The following CAPN13 variants were observed in gnomAD, a reference collection of about 807,000 sequenced individuals.
CAPN13 encodes calpain-13.
Under a neutral mutation model 98.4 loss-of-function variants are expected in CAPN13, and 90 were observed. The observed-to-expected ratio is 0.92, with a 90% CI of 0.77 to 1.09. CAPN13 has a LOEUF of 1.09. Among genes scored for constraint, CAPN13 ranks in the 50% least tolerant of loss-of-function variants. The pLI, the probability that CAPN13 is intolerant of heterozygous loss-of-function variation, is 0.00. For missense variants in CAPN13, 887 were observed against 841.3 expected (o/e 1.05, Z -0.67); for synonymous variants, 330 against 305.5 (o/e 1.08, Z -0.84).
At chr2:30,724,253 C>G (rs1360583676) in intron 22 of CAPN13, among the ~76,000 whole-genome samples, 1 of 152,142 alleles carries the variant, frequency 6.6e-6, no homozygotes, top group Non-Finnish European at 1.5e-5. Flanking sequence ...TTCTGTAACT[C>G]TTTATTCTTC....
chr2:30,800,126 A>G (rs573185978), intron 1 of CAPN13, among the ~76,000 whole-genome samples: 2 of 133,324 alleles, frequency 1.5e-5, no homozygotes, highest in South Asian at 4.9e-4. Flanking sequence ...AAAAGAAAGA[A>G]AGAAAGAAAG....
At chr2:30,740,042 T>C (rs553576596) in intron 15 of CAPN13, among the ~76,000 whole-genome samples, 8 of 151,042 alleles carry the variant, frequency 5.3e-5, no homozygotes, top group Admixed American at 2.0e-4. Context: ...ACTACTACAG[T>C]GAAGGAAGAA....
chr2:30,743,606 G>T (rs1334656561), intron 12 of CAPN13, 27 bp from the exon 13 acceptor site: 5 of 1,610,508 alleles, frequency 3.1e-6, no homozygotes, highest in Non-Finnish European at 4.2e-6. Context: ...CACAATGATT[G>T]TGAGAAAGCC....
At chr2:30,787,386 G>A in intron 1 of CAPN13, 29 bp from the exon 2 acceptor site, 2 of 1,504,050 alleles carry the variant, frequency 1.3e-6, no homozygotes, top group African/African-American at 1.4e-5. Flanking sequence ...GATACCTTTG[G>A]GGTAAGCCAT....
At chr2:30,800,136 G>GAA (rs771158037) in intron 1 of CAPN13, among the ~76,000 whole-genome samples, 1 of 144,436 alleles carries the variant, frequency 6.9e-6, no homozygotes, top group Non-Finnish European at 1.5e-5. Context: ...AAGAAAGAAA[G>GAA]AAAGAAAGAA....
intron 7 of CAPN13, among the ~76,000 whole-genome samples, chr2:30,761,807 A>G (rs1340029139): frequency 6.6e-6 from 1 of 152,230 alleles, no homozygotes; most frequent in African/African-American, 2.4e-5. Context: ...CGATCAAACC[A>G]TGAAACAATG....
intron 12 of CAPN13, 68 bp downstream of exon 12, chr2:30,745,655 G>C: frequency 6.5e-7 from 1 of 1,546,888 alleles, no homozygotes; most frequent in Non-Finnish European, 8.8e-7. Context: ...ATGGGCGTTG[G>C]AAGTGGCCTA....
chr2:30,751,246 G>A lies in CAPN13; in HGVS notation c.1093C>T (p.Pro365Ser). 6.2e-7 allele frequency: 1 copy of A among 1,613,738 alleles called. No individual in the cohort carries two copies. Among genetic ancestry groups the A allele is most frequent in the Non-Finnish European group, 8.5e-7 (1 of 1,179,778 alleles). ...QVILGNTAGGPRNDAQFNFSV... is the reference protein window; with the variant it reads ...QVILGNTAGGSRNDAQFNFSV... ...AAGTTGAATTGAGCATCATTCCGAGGTCCTCCTGCATCAGAAAGAGCTGTT... is the reference window on the plus strand; with the variant it reads ...AAGTTGAATTGAGCATCATTCCGAGATCCTCCTGCATCAGAAAGAGCTGTT... The change falls in exon 11 of 23, where the codon CCT becomes TCT. Residue 365 changes from proline to serine, a missense_variant. Pro to Ser is a moderately conservative substitution (Grantham distance 74). Transcript: ENST00000295055.
At chr2:30,726,189 A>G (rs1227200099) in intron 22 of CAPN13, among the ~76,000 whole-genome samples, 1 of 152,254 alleles carries the variant, frequency 6.6e-6, no homozygotes, top group Non-Finnish European at 1.5e-5. Flanking sequence ...ACATCAAGCA[A>G]GTAATGAAAA....
intron 17 of CAPN13, chr2:30,737,827 C>A: frequency 9.5e-6 from 2 of 210,688 alleles, no homozygotes; most frequent in African/African-American, 2.2e-5. Flanking sequence ...CTGAAAGCTC[C>A]AACTTCAAAT....
intron 8 of CAPN13, among the ~76,000 whole-genome samples, chr2:30,756,808 A>G (rs1672475937): frequency 6.6e-6 from 1 of 152,198 alleles, no homozygotes; most frequent in Non-Finnish European, 1.5e-5. Context: ...CGGCTGCCCG[A>G]TTCTCGCAGG....
At chr2:30,736,172 G>T (rs544006709) in intron 18 of CAPN13, among the ~76,000 whole-genome samples, 2 of 145,152 alleles carry the variant, frequency 1.4e-5, no homozygotes, top group African/African-American at 2.5e-5. Flanking sequence ...CTGGCAGGTG[G>T]ATTGGACGGG....
At chr2:30,775,067 A>G (rs541648904) in intron 4 of CAPN13, among the ~76,000 whole-genome samples, 26 of 152,198 alleles carry the variant, frequency 1.7e-4, no homozygotes, top group Non-Finnish European at 3.5e-4. Context: ...GAGATAGAAA[A>G]TTATCTATTT....
intron 1 of CAPN13, among the ~76,000 whole-genome samples, chr2:30,789,171 T>C (rs560554819): frequency 4.3e-4 from 65 of 152,270 alleles, no homozygotes; most frequent in Admixed American, 3.9e-4. Context: ...TGTCAAGATA[T>C]CATTCAAGAG....
rs778253507 is a variant in CAPN13 at position 30,776,015 on chromosome 2, G to A, written c.302C>T (p.Ser101Phe). ...ADCWFLAALGSLTQNPQYRQK... is the reference protein window; with the variant it reads ...ADCWFLAALGFLTQNPQYRQK... Reference sequence around the variant, plus strand: ...CCTGTACTGTGGGTTCTGAGTCAAGGATCCCAGTGCTGCCAGGAACCAGCA... The same window carrying A: ...CCTGTACTGTGGGTTCTGAGTCAAGAATCCCAGTGCTGCCAGGAACCAGCA... The change falls in exon 4 of 23, where the codon TCC (serine) becomes TTC (phenylalanine). Residue 101 changes from serine to phenylalanine, a missense_variant. By Grantham distance (155) the Ser-to-Phe change is radical. Coordinates refer to ENST00000295055, the MANE Select transcript of CAPN13 (RefSeq NM_144575.3). 8.7e-6 allele frequency: 14 copies of A among 1,612,540 alleles called. No homozygotes were observed. Among genetic ancestry groups the A allele is most frequent in the Admixed American group, 6.7e-5 (4 of 59,906 alleles).
chr2:30,806,575 C>T (rs1022398639), intron 1 of CAPN13, among the ~76,000 whole-genome samples: 2 of 152,122 alleles, frequency 1.3e-5, no homozygotes, highest in African/African-American at 2.4e-5. Context: ...AGTTCATGAC[C>T]CAACTGTAAC....
chr2:30,765,169 C>T (rs1205199194), intron 5 of CAPN13, among the ~76,000 whole-genome samples: 1 of 152,218 alleles, frequency 6.6e-6, no homozygotes, highest in Non-Finnish European at 1.5e-5. Flanking sequence ...ACAAAGGAAC[C>T]TCTCATGCAG....
intron 2 of CAPN13, among the ~76,000 whole-genome samples, chr2:30,780,672 A>G (rs1673941232): frequency 6.6e-6 from 1 of 152,238 alleles, no homozygotes; most frequent in Non-Finnish European, 1.5e-5. Context: ...AAAACATAGG[A>G]GTCATTTTCA....
chr2:30,802,397 G>A (rs895658210), intron 1 of CAPN13, among the ~76,000 whole-genome samples: 2 of 152,080 alleles, frequency 1.3e-5, no homozygotes, highest in East Asian at 3.9e-4. Context: ...AAAAACAAGA[G>A]CTTTCTATAT....
Sources: gnomAD v4.1 joint callset for allele counts (sites outside exome capture counted in the v4.1 genomes callset) on GRCh38, gnomAD v4.1.1 for gene constraint, MANE v1.5 for transcripts, NCBI Gene and HGNC (gene_info 2026-07-23, HGNC 2026-07-21) for gene names.